The following ZFHX3 variants were observed in gnomAD, a reference collection of about 807,000 sequenced individuals.
ZFHX3 encodes zinc finger homeobox protein 3.
Under a neutral mutation model 279.1 loss-of-function variants are expected in ZFHX3, and 42 were observed. The ratio of observed to expected loss-of-function variants is 0.15; its 90% CI spans 0.12 to 0.19. The LOEUF is 0.19. Among genes scored for constraint, ZFHX3 ranks in the 10% least tolerant of loss-of-function variants. The pLI, the probability that ZFHX3 is intolerant of heterozygous loss-of-function variation, is 1.00. For missense variants in ZFHX3, 4,981 were observed against 4,754.0 expected (o/e 1.05, Z -1.40); for synonymous variants, 2,293 against 1,957.8 (o/e 1.17, Z -4.52).
chr16:73,537,505 A>G (rs896003156), intron 2 of ZFHX3, among the ~76,000 whole-genome samples: 8 of 151,900 alleles, frequency 5.3e-5, no homozygotes, highest in African/African-American at 1.4e-4. Flanking sequence ...TCTAGTAGAG[A>G]TGGGGTTTCG....
At chr16:73,408,518 C>T (rs1277621956) in intron 3 of ZFHX3, among the ~76,000 whole-genome samples, 1 of 152,198 alleles carries the variant, frequency 6.6e-6, no homozygotes. Flanking sequence ...AACTTGGAAT[C>T]CCAACAGCTG....
intron 2 of ZFHX3, among the ~76,000 whole-genome samples, chr16:73,590,270 G>A (rs1272291814): frequency 6.6e-6 from 1 of 152,210 alleles, no homozygotes; most frequent in Non-Finnish European, 1.5e-5. Context: ...TGCTACCAAT[G>A]AGCAAGTCTA....
In ZFHX3 at chr16:73,806,592, T is replaced by C. The variant is rs143508091; in HGVS notation, c.-1608+85059A>G. Among the ~76,000 whole-genome samples, 133 of 151,954 alleles carry C rather than the reference T, an allele frequency of 8.8e-4. 1 individual carries two copies. Among genetic ancestry groups the C allele is most frequent in the African/African-American group, 3.1e-3 (130 of 41,406 alleles). On this transcript the variant is annotated intron_variant, in intron 1 of 17. Transcript: ENST00000641206. ...GGGATTAGTTGTCAGCCAATAACAC[T>C]GGTTGGTGGGGGGGGTCAAGTAAAT...
intron 1 of ZFHX3, among the ~76,000 whole-genome samples, chr16:72,961,876 G>C (rs62053195): frequency 0.037 from 5,183 of 138,968 alleles, 109 homozygotes; most frequent in South Asian, 0.14. Flanking sequence ...AAACAGAGAT[G>C]ACTACAGTAA....
At chr16:73,151,790 T>C (rs1406494743) in intron 5 of ZFHX3, among the ~76,000 whole-genome samples, 1 of 151,462 alleles carries the variant, frequency 6.6e-6, no homozygotes, top group Non-Finnish European at 1.5e-5. Flanking sequence ...AGAATTCACG[T>C]GATAACACTG....
intron 4 of ZFHX3, among the ~76,000 whole-genome samples, chr16:73,278,850 C>T (rs958555735): frequency 2.0e-5 from 3 of 152,128 alleles, no homozygotes; most frequent in Admixed American, 2.0e-4. Flanking sequence ...TTGCTAGCTA[C>T]AGAGTGCTGA....
At chr16:72,975,038 G>A (rs1432901603) in intron 1 of ZFHX3, among the ~76,000 whole-genome samples, 4 of 152,128 alleles carry the variant, frequency 2.6e-5, no homozygotes, top group East Asian at 3.8e-4. Flanking sequence ...AAAGTGAACC[G>A]GCAGCAAGAA....
chr16:73,154,001 G>A (rs940428252), intron 5 of ZFHX3, among the ~76,000 whole-genome samples: 8 of 152,090 alleles, frequency 5.3e-5, no homozygotes, highest in Non-Finnish European at 1.2e-4. Flanking sequence ...ACGGCGCCTG[G>A]CCTCAAAACA....
At chr16:73,273,921 T>A (rs2014223511) in intron 4 of ZFHX3, among the ~76,000 whole-genome samples, 1 of 152,184 alleles carries the variant, frequency 6.6e-6, no homozygotes, top group Non-Finnish European at 1.5e-5. Context: ...GGCGGGTGGA[T>A]CACCCGAGGT....
At chr16:73,136,102 C>T (rs1012515769) in intron 6 of ZFHX3, among the ~76,000 whole-genome samples, 29 of 152,114 alleles carry the variant, frequency 1.9e-4, no homozygotes, top group Non-Finnish European at 2.9e-5. Flanking sequence ...GTGATCCGCC[C>T]TCCTCGGCCT....
chr16:73,394,181 G>C (rs1216376955), intron 3 of ZFHX3, among the ~76,000 whole-genome samples: 1 of 149,662 alleles, frequency 6.7e-6, no homozygotes, highest in Non-Finnish European at 1.5e-5. Context: ...CCTTCTAACA[G>C]ATAAAACGTC....
intron 1 of ZFHX3, among the ~76,000 whole-genome samples, chr16:73,838,818 C>A (rs1027040746): frequency 2.6e-5 from 4 of 151,540 alleles, no homozygotes; most frequent in Non-Finnish European, 5.9e-5. Context: ...ATGGTGTGTA[C>A]CGCTAGGTCA....
chr16:73,468,802 A>G (rs544518374), intron 2 of ZFHX3, among the ~76,000 whole-genome samples: 2 of 152,316 alleles, frequency 1.3e-5, no homozygotes, highest in African/African-American at 4.8e-5. Flanking sequence ...AAAAGTCAGG[A>G]GAGTGTCTCC....
Position 72,787,677 on chromosome 16 carries a change from C to A in ZFHX3, c.10599G>T (p.Ala3533=). The change falls in exon 10 of 10, where the codon GCG becomes GCT. Residue 3533 remains alanine, a synonymous_variant. Coordinates refer to ENST00000268489, the MANE Select transcript of ZFHX3 (RefSeq NM_006885.4). ...CCTCCCCACAGAGCGCGCTCTCGCA[C>A]GCCAGGCAGTGGTACGAGCCGCCGC... ...GGGGGSYHCL[A]CESALCGEEA... 6.5e-7 allele frequency: 1 copy of A among 1,543,342 alleles called. No homozygotes were observed. Among genetic ancestry groups the A allele is most frequent in the Non-Finnish European group, 8.7e-7 (1 of 1,144,244 alleles).
At chr16:73,062,484 A>C (rs986083625), upstream of ZFHX3, among the ~76,000 whole-genome samples, 43 of 152,360 alleles carry the variant, frequency 2.8e-4, no homozygotes, top group African/African-American at 9.6e-4. Context: ...TAACATAAAA[A>C]GGTTGATTTA....
Position 73,228,697 on chromosome 16 carries a change from G to A in ZFHX3, c.-1104+28350C>T, listed in dbSNP as rs1006108644. On this transcript the variant is annotated intron_variant, in intron 5 of 17. Transcript: ENST00000641206. ...GACCAAATGAAAACCACTTTCAAGG[G>A]CCCTTAAAAATGTTGTGGGCCTGAA... Among the ~76,000 whole-genome samples the A allele has an allele frequency of 1.2e-4, 19 of 152,106 alleles. 1 individual carries two copies. The highest frequency in any genetic ancestry group is 1.2e-3 in the Admixed American group (18 of 15,256).
chr16:73,587,307 A>G (rs1008703495), intron 2 of ZFHX3, among the ~76,000 whole-genome samples: 1 of 152,214 alleles, frequency 6.6e-6, no homozygotes, highest in African/African-American at 2.4e-5. Context: ...TAAAAAACTG[A>G]GATGTTTAGA....
intron 1 of ZFHX3, among the ~76,000 whole-genome samples, chr16:73,763,109 G>T (rs328370): frequency 0.75 from 114,606 of 152,056 alleles, 44,482 homozygotes; most frequent in African/African-American, 0.92. Context: ...CATTAAGTCT[G>T]TGAAAATTAA....
intron 2 of ZFHX3, among the ~76,000 whole-genome samples, chr16:73,643,769 C>A (rs189838104): frequency 1.2e-4 from 18 of 152,302 alleles, no homozygotes; most frequent in Non-Finnish European, 2.5e-4. Context: ...CTCTTCAGCA[C>A]CTCTTTTCTC....
Sources: gnomAD v4.1 joint callset for allele counts (sites outside exome capture counted in the v4.1 genomes callset) on GRCh38, gnomAD v4.1.1 for gene constraint, MANE v1.5 for transcripts, NCBI Gene and HGNC (gene_info 2026-07-23, HGNC 2026-07-21) for gene names.